The following PACSIN2 variants were observed in gnomAD, a reference collection of about 807,000 sequenced individuals.
PACSIN2 encodes the protein protein kinase C and casein kinase substrate in neurons 2, also known as protein kinase C and casein kinase substrate in neurons protein 2.
In PACSIN2, 25 loss-of-function variants were observed where a neutral mutation model predicts 63.8. The ratio of observed to expected loss-of-function variants is 0.39; its 90% confidence interval spans 0.29 to 0.55. PACSIN2 has a LOEUF of 0.55. PACSIN2 is among the 20% of genes least tolerant of loss of function. PACSIN2 has a pLI of 0.62. For synonymous variants in PACSIN2, 255 were observed against 256.2 expected, an observed-to-expected ratio of 1.00 and a Z score of 0.05; for missense variants, 518 against 646.9, an observed-to-expected ratio of 0.80 and a Z score of 2.16.
At chr22:42,903,265 G>A (rs1159850924) in intron 2 of PACSIN2, among the ~76,000 whole-genome samples, 1 of 152,192 alleles carries the variant, frequency 6.6e-6, no homozygotes, top group Non-Finnish European at 1.5e-5. Flanking sequence ...GGGAGGGTGT[G>A]CGTGTGCCTG....
chr22:42,998,290 G>A (rs1569365565), intron 1 of PACSIN2, among the ~76,000 whole-genome samples: 1 of 152,172 alleles, frequency 6.6e-6, no homozygotes, highest in Non-Finnish European at 1.5e-5. Flanking sequence ...CTGCTGCAGG[G>A]ATTTCAGATA....
intron 1 of PACSIN2, among the ~76,000 whole-genome samples, chr22:42,964,150 G>A (rs1050490588): frequency 3.3e-5 from 5 of 152,190 alleles, no homozygotes; most frequent in Non-Finnish European, 7.3e-5. Flanking sequence ...GGGCACGGTG[G>A]CCCATGCCTG....
intron 1 of PACSIN2, among the ~76,000 whole-genome samples, chr22:42,912,480 G>A (rs1406815446): frequency 6.6e-6 from 1 of 152,148 alleles, no homozygotes; most frequent in Non-Finnish European, 1.5e-5. Flanking sequence ...GTGAGTGGAG[G>A]TAATCCCACC....
chr22:42,942,589 G>A (rs541243329), intron 1 of PACSIN2, among the ~76,000 whole-genome samples: 2 of 152,140 alleles, frequency 1.3e-5, no homozygotes, highest in African/African-American at 4.8e-5. Flanking sequence ...TTTATATGTG[G>A]CATGAGGCAG....
chr22:42,885,465 A>C (rs1929405357), intron 5 of PACSIN2, among the ~76,000 whole-genome samples: 1 of 152,022 alleles, frequency 6.6e-6, no homozygotes, highest in East Asian at 1.9e-4. Context: ...GGCTCCACTC[A>C]GGTCTAAGCT....
At chr22:42,892,302 C>T (rs1198989751) in intron 3 of PACSIN2, among the ~76,000 whole-genome samples, 6 of 152,248 alleles carry the variant, frequency 3.9e-5, no homozygotes, top group African/African-American at 1.4e-4. Flanking sequence ...TGCGCTGAGT[C>T]ATGACAGAGG....
chr22:42,930,266 G>T (rs1351161275), intron 1 of PACSIN2, among the ~76,000 whole-genome samples: 3 of 152,172 alleles, frequency 2.0e-5, no homozygotes, highest in African/African-American at 7.2e-5. Flanking sequence ...GGGTCTCTGT[G>T]ACATGCAGCC....
chr22:42,928,198 A>C (rs1932658539), intron 1 of PACSIN2, among the ~76,000 whole-genome samples: 1 of 152,254 alleles, frequency 6.6e-6, no homozygotes, highest in Non-Finnish European at 1.5e-5. Context: ...CCGGAGAGGC[A>C]TAGGAGGAAA....
At chr22:42,886,471 C>T (rs1929496400) in intron 5 of PACSIN2, among the ~76,000 whole-genome samples, 1 of 151,972 alleles carries the variant, frequency 6.6e-6, no homozygotes, top group Non-Finnish European at 1.5e-5. Context: ...TACCTACCTA[C>T]TTACCTACTT....
chr22:42,972,068 G>C (rs973513248), intron 1 of PACSIN2, among the ~76,000 whole-genome samples: 4 of 152,208 alleles, frequency 2.6e-5, no homozygotes, highest in African/African-American at 9.7e-5. Context: ...CCAATGGGGG[G>C]GGGAAATGTG....
chr22:42,915,952 G>A, intron 1 of PACSIN2, among the ~76,000 whole-genome samples: 1 of 152,232 alleles, frequency 6.6e-6, no homozygotes. Flanking sequence ...GACTGTGAGG[G>A]GAAGAAATGA....
At chr22:42,914,543 C>G (rs1388381265) in intron 1 of PACSIN2, among the ~76,000 whole-genome samples, 1 of 152,200 alleles carries the variant, frequency 6.6e-6, no homozygotes, top group Admixed American at 6.5e-5. Context: ...GAATCCTATG[C>G]TGCTAGCCAG....
chr22:42,926,322 C>T (rs780676193), intron 1 of PACSIN2, among the ~76,000 whole-genome samples: 54 of 152,192 alleles, frequency 3.5e-4, no homozygotes, highest in Middle Eastern at 3.2e-3. Flanking sequence ...CCTCCAGAAG[C>T]ACCCATCGGC....
intron 2 of PACSIN2, among the ~76,000 whole-genome samples, chr22:42,905,809 C>G (rs1931035724): frequency 6.6e-6 from 1 of 152,228 alleles, no homozygotes; most frequent in African/African-American, 2.4e-5. Context: ...GGGATTGGTG[C>G]TGGCCAGGGC....
chr22:42,901,926 T>C (rs949395520), intron 2 of PACSIN2, among the ~76,000 whole-genome samples: 2 of 152,150 alleles, frequency 1.3e-5, no homozygotes, highest in African/African-American at 4.8e-5. Flanking sequence ...CCCTGGCCCT[T>C]CCTCTCCGTG....
intron 1 of PACSIN2, among the ~76,000 whole-genome samples, chr22:42,985,393 T>C (rs1443415719): frequency 6.6e-6 from 1 of 152,184 alleles, no homozygotes; most frequent in Non-Finnish European, 1.5e-5. Context: ...CCACAAGCCA[T>C]TCCTGATGGG....
At chr22:42,938,734 G>GCTC (rs1933018215) in intron 1 of PACSIN2, among the ~76,000 whole-genome samples, 1 of 152,214 alleles carries the variant, frequency 6.6e-6, no homozygotes, top group Non-Finnish European at 1.5e-5. Context: ...TCCACCTGGA[G>GCTC]CTCCACGAGG....
intron 1 of PACSIN2, among the ~76,000 whole-genome samples, chr22:43,008,061 C>CCA (rs1425319546): frequency 6.6e-6 from 1 of 152,250 alleles, no homozygotes; most frequent in Non-Finnish European, 1.5e-5. Context: ...GGTGGATTCT[C>CCA]CACACACACT....
intron 1 of PACSIN2, among the ~76,000 whole-genome samples, chr22:42,933,074 C>T (rs572843810): frequency 1.4e-3 from 207 of 152,328 alleles, no homozygotes; most frequent in Non-Finnish European, 2.4e-3. Context: ...AAACACCTGG[C>T]AAAGCCAAGT....
Sources: allele counts gnomAD v4.1 joint callset (sites outside exome capture counted in the v4.1 genomes callset), GRCh38; gene constraint gnomAD v4.1.1; transcripts MANE v1.5; gene names NCBI Gene and HGNC (gene_info 2026-07-23, HGNC 2026-07-21).